The following TMEM132D variants were observed in gnomAD, a reference collection of about 807,000 sequenced individuals.
TMEM132D encodes mature OL transmembrane protein.
TMEM132D carries 21 observed loss-of-function variants against 62.3 expected under a neutral mutation model. The observed-to-expected ratio is 0.34, with a 90% CI of 0.24 to 0.49. The LOEUF is 0.49. TMEM132D is among the 20% of genes least tolerant of loss of function. The pLI, the probability that TMEM132D is intolerant of heterozygous loss-of-function variation, is 0.99. For synonymous variants in TMEM132D, 621 were observed against 575.6 expected (o/e 1.08, Z -1.13); for missense variants, 1,346 against 1,402.8 (o/e 0.96, Z 0.65).
intron 1 of TMEM132D, among the ~76,000 whole-genome samples, chr12:129,723,360 T>A (rs1338380920): frequency 6.6e-6 from 1 of 152,208 alleles, no homozygotes; most frequent in African/African-American, 2.4e-5. Context: ...TGTCTGTCCA[T>A]GCAGTCGCTC....
chr12:129,854,876 A>G (rs373849626), intron 1 of TMEM132D: 11 of 152,376 alleles, frequency 7.2e-5, no homozygotes, highest in East Asian at 3.9e-4. Flanking sequence ...GTGCTGCCTT[A>G]CTGAAACAGC....
chr12:129,617,300 T>C (rs556709448), intron 2 of TMEM132D, among the ~76,000 whole-genome samples: 1 of 152,332 alleles, frequency 6.6e-6, no homozygotes, highest in African/African-American at 2.4e-5. Flanking sequence ...CCTAGCCACC[T>C]GACTTGGTTG....
chr12:129,212,621 T>C (rs1447641466), intron 4 of TMEM132D: 1 of 152,270 alleles, frequency 6.6e-6, no homozygotes, highest in Non-Finnish European at 1.5e-5. Context: ...ATCACAGCAC[T>C]GCAGAGCCTA....
At chr12:129,767,979 T>TC (rs374819789) in intron 1 of TMEM132D, among the ~76,000 whole-genome samples, 1 of 26,056 alleles carries the variant, frequency 3.8e-5, no homozygotes, top group East Asian at 1.3e-3. Flanking sequence ...CAGAAAAACT[T>TC]CCCTTTATAA....
chr12:129,763,635 G>C (rs1593152455), intron 1 of TMEM132D, among the ~76,000 whole-genome samples: 1 of 152,140 alleles, frequency 6.6e-6, no homozygotes, highest in Non-Finnish European at 1.5e-5. Context: ...TTTTGCTACT[G>C]TTTCTGGGTT....
intron 1 of TMEM132D, among the ~76,000 whole-genome samples, chr12:129,838,918 G>C (rs1873089715): frequency 6.6e-6 from 1 of 150,994 alleles, no homozygotes; most frequent in Admixed American, 6.6e-5. Flanking sequence ...TTTTTTGGAG[G>C]TCAGTTAAGA....
intron 2 of TMEM132D, among the ~76,000 whole-genome samples, chr12:129,678,519 A>G (rs1483896633): frequency 2.0e-5 from 3 of 152,028 alleles, no homozygotes; most frequent in Admixed American, 2.0e-4. Flanking sequence ...TAGGTTATTT[A>G]TTTGAACAAC....
chr12:129,710,956 C>T (rs887295351), intron 1 of TMEM132D, among the ~76,000 whole-genome samples: 2 of 152,154 alleles, frequency 1.3e-5, no homozygotes, highest in Non-Finnish European at 2.9e-5. Context: ...TGTGTTTAGC[C>T]TCGGTGTGCA....
At chr12:129,093,504 A>G (rs371730945) in intron 5 of TMEM132D, among the ~76,000 whole-genome samples, 25 of 152,040 alleles carry the variant, frequency 1.6e-4, no homozygotes, top group African/African-American at 6.0e-4. Flanking sequence ...TTCAAGGAGA[A>G]CTACAAACCA....
chr12:129,772,804 C>A, intron 1 of TMEM132D, among the ~76,000 whole-genome samples: 1 of 152,230 alleles, frequency 6.6e-6, no homozygotes, highest in East Asian at 1.9e-4. Flanking sequence ...GCTCATTGAG[C>A]CCAGGTCCTG....
chr12:129,563,408 T>C (rs897738929), intron 2 of TMEM132D, among the ~76,000 whole-genome samples: 1 of 152,212 alleles, frequency 6.6e-6, no homozygotes, highest in Non-Finnish European at 1.5e-5. Flanking sequence ...GCTGAGGATA[T>C]AGATGGATAT....
At chr12:129,758,642 T>C (rs980882424) in intron 1 of TMEM132D, among the ~76,000 whole-genome samples, 8 of 152,216 alleles carry the variant, frequency 5.3e-5, no homozygotes, top group African/African-American at 1.7e-4. Flanking sequence ...TAGTGCCAAT[T>C]CCTTTAATAA....
chr12:129,098,075 T>C (rs1235057772), intron 5 of TMEM132D, among the ~76,000 whole-genome samples: 2 of 152,228 alleles, frequency 1.3e-5, no homozygotes, highest in Non-Finnish European at 2.9e-5. Context: ...TGGCCCACTT[T>C]AAGTTAGTTT....
intron 4 of TMEM132D, among the ~76,000 whole-genome samples, chr12:129,328,384 A>C (rs925411445): frequency 4.6e-5 from 7 of 152,234 alleles, no homozygotes; most frequent in Non-Finnish European, 1.0e-4. Context: ...AATGAGTTAC[A>C]TCATAGCTTA....
chr12:129,553,078 C>T (rs1244643007), intron 2 of TMEM132D, among the ~76,000 whole-genome samples: 2 of 152,192 alleles, frequency 1.3e-5, no homozygotes, highest in African/African-American at 2.4e-5. Context: ...GGAGCAGCTT[C>T]GGTTACTCAA....
At chr12:129,776,377 T>G (rs1360329060) in intron 1 of TMEM132D, among the ~76,000 whole-genome samples, 1 of 152,162 alleles carries the variant, frequency 6.6e-6, no homozygotes, top group Non-Finnish European at 1.5e-5. Flanking sequence ...TTGGGAAGCT[T>G]TTTTTGGAAG....
chr12:129,692,352 C>T (rs551158668), intron 2 of TMEM132D, among the ~76,000 whole-genome samples: 10 of 152,266 alleles, frequency 6.6e-5, no homozygotes, highest in East Asian at 1.9e-4. Flanking sequence ...ATTATGTCAA[C>T]GGCATAGGAA....
At chr12:129,082,740 C>T (rs1874493929) in intron 6 of TMEM132D, among the ~76,000 whole-genome samples, 1 of 152,170 alleles carries the variant, frequency 6.6e-6, no homozygotes, top group Admixed American at 6.5e-5. Flanking sequence ...GTTGTTCTTT[C>T]TCTTTTTGTG....
chr12:129,088,184 G>T (rs1332487069), intron 5 of TMEM132D, among the ~76,000 whole-genome samples: 10 of 44,138 alleles, frequency 2.3e-4, no homozygotes, highest in Non-Finnish European at 3.7e-4. Context: ...TGTCCTCCCT[G>T]ACCGGGGTGT....
Sources: allele counts gnomAD v4.1 joint callset (sites outside exome capture counted in the v4.1 genomes callset), GRCh38; gene constraint gnomAD v4.1.1; transcripts MANE v1.5; gene names NCBI Gene and HGNC (gene_info 2026-07-23, HGNC 2026-07-21).